The following BEND6 variants were observed in gnomAD, a reference collection of about 807,000 sequenced individuals.
BEND6 encodes the protein BEN domain-containing protein 6.
Under a neutral mutation model 31.8 loss-of-function variants are expected in BEND6, and 24 were observed. The ratio of observed to expected loss-of-function variants is 0.75; its 90% CI spans 0.55 to 1.06. BEND6 has a LOEUF of 1.06. Among genes scored for constraint, BEND6 ranks in the 50% least tolerant of loss-of-function variants. The pLI, the probability that BEND6 is intolerant of heterozygous loss-of-function variation, is 0.00. For missense variants in BEND6, 294 were observed against 327.4 expected, an observed-to-expected ratio of 0.90 and a Z score of 0.79; for synonymous variants, 109 against 114.6, an observed-to-expected ratio of 0.95 and a Z score of 0.31.
At chr6:57,015,765 A>G (rs557165372) in intron 4 of BEND6, among the ~76,000 whole-genome samples, 1 of 150,114 alleles carries the variant, frequency 6.7e-6, no homozygotes, top group South Asian at 2.2e-4. Context: ...AGATCGAGAT[A>G]GTGCCACTGC....
intron 2 of BEND6, among the ~76,000 whole-genome samples, chr6:56,986,308 C>T (rs1485810579): frequency 2.0e-5 from 3 of 151,956 alleles, no homozygotes; most frequent in Admixed American, 6.6e-5. Context: ...TATGGTGACT[C>T]GCACCTATAA....
chr6:56,964,430 C>T (rs1436785952), intron 1 of BEND6, among the ~76,000 whole-genome samples: 1 of 152,130 alleles, frequency 6.6e-6, no homozygotes, highest in Admixed American at 6.6e-5. Flanking sequence ...AACAACTTCT[C>T]TACCATAAAA....
intron 3 of BEND6, among the ~76,000 whole-genome samples, chr6:57,003,978 A>G (rs1324896350): frequency 6.6e-6 from 1 of 152,204 alleles, no homozygotes; most frequent in Admixed American, 6.5e-5. Flanking sequence ...AAAATCCAAC[A>G]TCCTTTCTTG....
chr6:56,991,374 T>A (rs1363082697), intron 2 of BEND6, among the ~76,000 whole-genome samples: 4 of 151,888 alleles, frequency 2.6e-5, no homozygotes, highest in African/African-American at 4.8e-5. Context: ...TTTTTTTTTT[T>A]AATTTTTACG....
chr6:56,963,896 A>G (rs1825372952), intron 1 of BEND6, among the ~76,000 whole-genome samples: 1 of 147,936 alleles, frequency 6.8e-6, no homozygotes, highest in Non-Finnish European at 1.5e-5. Flanking sequence ...TTAATGTTAT[A>G]ATTACAATAT....
chr6:56,987,646 T>C (rs1826331860), intron 2 of BEND6, among the ~76,000 whole-genome samples: 1 of 152,240 alleles, frequency 6.6e-6, no homozygotes, highest in Non-Finnish European at 1.5e-5. Flanking sequence ...GATTTCATGC[T>C]AATCAAGTTC....
intron 3 of BEND6, 50 bp from the exon 4 acceptor site, chr6:57,015,083 C>A: frequency 6.8e-7 from 1 of 1,476,574 alleles, no homozygotes; most frequent in Non-Finnish European, 9.4e-7. Flanking sequence ...TGTACATATG[C>A]ACCTATTATC....
In BEND6 at chr6:57,002,524, C is replaced by G. The variant is rs76350978; in HGVS notation, c.298+9969C>G. Among the ~76,000 whole-genome samples, 25 of 152,164 alleles carry G rather than the reference C, an allele frequency of 1.6e-4. No individual in the cohort carries two copies. The South Asian group carries it at 3.1e-3, about 19-fold the overall frequency. ...AATTATATGAACCATACTCTCAGAC[C>G]ACAGTGAAATAAAACTAGTAATCAA... On this transcript the variant is annotated intron_variant, in intron 3 of 6. Transcript: ENST00000370746.
intron 1 of BEND6, among the ~76,000 whole-genome samples, chr6:56,961,571 C>G (rs937842532): frequency 6.6e-6 from 1 of 152,250 alleles, no homozygotes; most frequent in East Asian, 1.9e-4. Context: ...AATTAACTAC[C>G]CAATTTATAG....
intron 1 of BEND6, among the ~76,000 whole-genome samples, chr6:56,964,490 G>A (rs1354865067): frequency 6.6e-6 from 1 of 151,580 alleles, no homozygotes; most frequent in Non-Finnish European, 1.5e-5. Flanking sequence ...TAAGTCCCCT[G>A]TTCCTCTGTC....
chr6:56,960,831 A>T (rs1029299873), intron 1 of BEND6, among the ~76,000 whole-genome samples: 2 of 152,230 alleles, frequency 1.3e-5, no homozygotes, highest in African/African-American at 4.8e-5. Flanking sequence ...CTAGGAAGAG[A>T]AAGAAAAGTA....
At chr6:57,001,338 A>AT (rs1562551665) in intron 3 of BEND6, among the ~76,000 whole-genome samples, 1 of 151,826 alleles carries the variant, frequency 6.6e-6, no homozygotes, top group Admixed American at 6.6e-5. Context: ...CAATTTTTCT[A>AT]TTTTTTGAAA....
At chr6:57,024,157 T>C (rs1827834509) in intron 6 of BEND6, among the ~76,000 whole-genome samples, 2 of 152,254 alleles carry the variant, frequency 1.3e-5, no homozygotes, top group African/African-American at 2.4e-5. Context: ...TGTTTTTATA[T>C]TGCCTATCTC....
At chr6:56,987,183 T>G (rs1265862822) in intron 2 of BEND6, among the ~76,000 whole-genome samples, 1 of 152,086 alleles carries the variant, frequency 6.6e-6, no homozygotes, top group African/African-American at 2.4e-5. Context: ...TTTCACCATA[T>G]TGGCCAGGCT....
intron 2 of BEND6, among the ~76,000 whole-genome samples, chr6:56,992,022 G>A (rs748378522): frequency 6.6e-6 from 1 of 152,190 alleles, no homozygotes; most frequent in Non-Finnish European, 1.5e-5. Flanking sequence ...AGGTTCATAT[G>A]GTGAGGCATT....
chr6:56,992,592 G>T (rs1826547595), intron 3 of BEND6, 37 bp downstream of exon 3: 1 of 1,583,278 alleles, frequency 6.3e-7, no homozygotes, highest in Non-Finnish European at 8.6e-7. Flanking sequence ...AGATAAAAGG[G>T]AAAGTATATG....
intron 3 of BEND6, among the ~76,000 whole-genome samples, chr6:56,997,649 G>T (rs1026932787): frequency 5.9e-5 from 9 of 152,130 alleles, no homozygotes; most frequent in Non-Finnish European, 1.3e-4. Flanking sequence ...CGCCTCCCAG[G>T]TTCACGCCAT....
rs148831477 is a variant in BEND6 at position 56,968,911 on chromosome 6, T to C, written c.-100-12800T>C. On this transcript the variant is annotated intron_variant, in intron 1 of 6. Transcript: ENST00000370746. ...TAACACGGTGAAACCCCGTCTCTAA[T>C]AAAAATAAAAAAAATTAGCCAGCCG... 9.3e-3 allele frequency among the ~76,000 whole-genome samples: 1,406 copies of C among 151,680 alleles called. 18 individuals carry two copies. Among genetic ancestry groups the C allele is most frequent in the African/African-American group, 0.032 (1,328 of 41,346 alleles).
chr6:56,984,904 T>C (rs1246965375), intron 2 of BEND6, among the ~76,000 whole-genome samples: 2 of 152,228 alleles, frequency 1.3e-5, no homozygotes, highest in African/African-American at 2.4e-5. Flanking sequence ...CCTTCTGCTA[T>C]TTAGATATAA....
Sources: allele counts gnomAD v4.1 joint callset (sites outside exome capture counted in the v4.1 genomes callset), GRCh38; gene constraint gnomAD v4.1.1; transcripts MANE v1.5; gene names NCBI Gene and HGNC (gene_info 2026-07-23, HGNC 2026-07-21).